Variants in MYO16 observed in about 807,000 individuals in gnomAD.
MYO16 encodes unconventional myosin-XVI.
MYO16 carries 94 observed loss-of-function variants against 205.3 expected under a neutral mutation model. The observed-to-expected ratio is 0.46, with a 90% CI of 0.39 to 0.54. MYO16 has a LOEUF of 0.54. MYO16 is among the 20% of genes least tolerant of loss of function. The pLI, the probability that MYO16 is intolerant of heterozygous loss-of-function variation, is 0.00. For synonymous variants in MYO16, 988 were observed against 954.0 expected (o/e 1.04, Z -0.66); for missense variants, 2,315 against 2,387.5 (o/e 0.97, Z 0.63).
chr13:108,756,804 G>C (rs1026009547), intron 4 of MYO16, among the ~76,000 whole-genome samples: 2 of 152,102 alleles, frequency 1.3e-5, no homozygotes, highest in African/African-American at 4.8e-5. Context: ...CAGAAACAAT[G>C]TTTTACCAAC....
At chr13:108,560,584 C>T in the MYO16 span, among the ~76,000 whole-genome samples, 1 of 152,122 alleles carries the variant, frequency 6.6e-6, no homozygotes, top group Non-Finnish European at 1.5e-5. Context: ...GATTTTTCCA[C>T]TCATTTAAAT....
At chr13:109,073,163 G>A (rs549051384) in intron 27 of MYO16, among the ~76,000 whole-genome samples, 1 of 150,916 alleles carries the variant, frequency 6.6e-6, no homozygotes, top group Non-Finnish European at 1.5e-5. Flanking sequence ...GTGTAGTGGC[G>A]CAATCTCAGC....
chr13:108,616,063 G>T (rs1377254867), intron 1 of MYO16, among the ~76,000 whole-genome samples: 1 of 152,100 alleles, frequency 6.6e-6, no homozygotes, highest in East Asian at 1.9e-4. Flanking sequence ...GTTTACATGT[G>T]GCTGATGATT....
chr13:108,898,364 G>GTGTGTGTGTGTC (rs1009206362), intron 15 of MYO16, among the ~76,000 whole-genome samples: 1 of 150,692 alleles, frequency 6.6e-6, no homozygotes, highest in Non-Finnish European at 1.5e-5. Context: ...GTGTGTGTGT[G>GTGTGTGTGTGTC]TGTGTGTGTG....
intron 2 of MYO16, among the ~76,000 whole-genome samples, chr13:108,678,455 C>T (rs927484837): frequency 3.3e-5 from 5 of 152,134 alleles, no homozygotes; most frequent in Non-Finnish European, 7.3e-5. Context: ...ATAACCAACA[C>T]GTCTCGGAAG....
At chr13:109,113,560 T>A (rs1875517504) in intron 28 of MYO16, among the ~76,000 whole-genome samples, 1 of 152,166 alleles carries the variant, frequency 6.6e-6, no homozygotes, top group African/African-American at 2.4e-5. Flanking sequence ...CCATGATAAT[T>A]TATGGAGCTA....
upstream of MYO16, chr13:108,629,139 T>G (rs1050952076): frequency 7.2e-5 from 11 of 152,204 alleles, no homozygotes; most frequent in African/African-American, 2.7e-4. Context: ...AAAAGCTTTT[T>G]GTGGATAATT....
chr13:108,842,055 C>T (rs1042844718), intron 9 of MYO16, among the ~76,000 whole-genome samples: 2 of 151,910 alleles, frequency 1.3e-5, no homozygotes, highest in Non-Finnish European at 2.9e-5. Flanking sequence ...TTTTCTTACA[C>T]CATGTAGAAA....
the MYO16 span, among the ~76,000 whole-genome samples, chr13:108,538,620 G>T: frequency 6.6e-6 from 1 of 152,016 alleles, no homozygotes; most frequent in Non-Finnish European, 1.5e-5. Context: ...TTTCAGGGAG[G>T]CTTATCATTC....
the MYO16 span, among the ~76,000 whole-genome samples, chr13:108,501,823 A>G: frequency 6.6e-6 from 1 of 152,222 alleles, no homozygotes; most frequent in Non-Finnish European, 1.5e-5. Flanking sequence ...TTGGCCTTTT[A>G]CAGAAAATGT....
At chr13:109,011,498 C>CTTTTTTTTTTTTTTTTTT (rs34575828) in intron 22 of MYO16, among the ~76,000 whole-genome samples, 37 of 129,920 alleles carry the variant, frequency 2.8e-4, no homozygotes, top group Non-Finnish European at 4.0e-4. Context: ...TTCTTCCTTT[C>CTTTTTTTTTTTTTTTTTT]TTTTTTTTTT....
chr13:108,988,915 G>A (rs184537546), intron 20 of MYO16, among the ~76,000 whole-genome samples: 1 of 152,114 alleles, frequency 6.6e-6, no homozygotes, highest in African/African-American at 2.4e-5. Flanking sequence ...CCTTATTCCT[G>A]AAGTTGTCCC....
chr13:109,140,010 G>A lies in MYO16; in HGVS notation c.4052-254G>A, dbSNP rs1257477098. On this transcript the variant is annotated intron_variant, in intron 31 of 34. Transcript: ENST00000457511. This position sits in a 1 kb window ranked among gnomAD's most constrained non-coding sequence, Gnocchi z 8.0. ...GTCTCCTTCCTCACTGGAACCCCTT[G>A]ACGTTCCACTGGACAACCTCCTCAG... is the stretch of plus-strand genomic sequence containing the variant. 6.6e-6 allele frequency among the ~76,000 whole-genome samples: 1 copy of A among 152,092 alleles called. No individual in the cohort carries two copies. Among genetic ancestry groups the A allele is most frequent in the East Asian group, 1.9e-4 (1 of 5,166 alleles).
the MYO16 span, among the ~76,000 whole-genome samples, chr13:108,499,308 T>TA: frequency 6.6e-6 from 1 of 152,240 alleles, no homozygotes; most frequent in Non-Finnish European, 1.5e-5. Flanking sequence ...TGTAAATTTC[T>TA]AAGGACTGGC....
chr13:109,125,448 A>G lies in MYO16; in HGVS notation c.3782+90A>G, dbSNP rs552132716. 125 of 1,516,094 alleles carry G rather than the reference A, an allele frequency of 8.2e-5. No individual in the cohort carries two copies. The highest frequency in any genetic ancestry group is 7.7e-4 in the Admixed American group (41 of 53,056). 93.9% of individuals were successfully genotyped at this position (1,516,094 alleles called of 1,614,324 possible). ...CAAATAGCCCTTAATGCAGAGTTCA[A>G]TCAAATATGACAGGAGTTGCAGGAA... On this transcript the variant is annotated intron_variant, in intron 30 of 34. Coordinates refer to ENST00000457511, the MANE Select transcript of MYO16 (RefSeq NM_001198950.3). This position sits in a 1 kb window ranked among gnomAD's most constrained non-coding sequence, Gnocchi z 4.0.
At chr13:108,617,236 G>A (rs1174357317) in intron 1 of MYO16, among the ~76,000 whole-genome samples, 4 of 152,172 alleles carry the variant, frequency 2.6e-5, no homozygotes. Flanking sequence ...CCACCCCAGA[G>A]ATTTGGATGC....
intron 33 of MYO16, among the ~76,000 whole-genome samples, chr13:109,168,450 G>A (rs184584176): frequency 2.2e-4 from 34 of 152,266 alleles, no homozygotes; most frequent in African/African-American, 4.8e-4. Flanking sequence ...TAGGCCAGGC[G>A]CGGTGGCTCA....
chr13:108,946,673 A>G lies in MYO16; in HGVS notation c.1926-11015A>G, dbSNP rs114863104. Among the ~76,000 whole-genome samples, 1,381 of 152,314 alleles carry G rather than the reference A, an allele frequency of 9.1e-3. 29 individuals carry two copies. Among genetic ancestry groups the G allele is most frequent in the African/African-American group, 0.032 (1,328 of 41,552 alleles). On this transcript the variant is annotated intron_variant, in intron 16 of 34. Coordinates refer to ENST00000457511, the MANE Select transcript of MYO16 (RefSeq NM_001198950.3). ...AAGTGAAATGCGGAGAAGAGAGTGT[A>G]TTGGTCAGGGTTCTCCAGAAAAACA...
intron 7 of MYO16, among the ~76,000 whole-genome samples, chr13:108,814,923 C>A (rs1887403406): frequency 6.6e-6 from 1 of 151,702 alleles, no homozygotes; most frequent in Admixed American, 6.6e-5. Context: ...GTCATTCTAA[C>A]AAGTAAAATA....
Sources: allele counts gnomAD v4.1 joint callset (sites outside exome capture counted in the v4.1 genomes callset), GRCh38; gene constraint gnomAD v4.1.1; non-coding constraint Gnocchi (gnomAD v3.1); transcripts MANE v1.5; gene names NCBI Gene and HGNC (gene_info 2026-07-23, HGNC 2026-07-21).